Variants in CCDC7 observed in about 807,000 individuals in gnomAD.
CCDC7 encodes the protein coiled-coil domain containing 7.
CCDC7 carries 183 observed loss-of-function variants against 196.9 expected under a neutral mutation model. The ratio of observed to expected loss-of-function variants is 0.93; its 90% confidence interval spans 0.82 to 1.05. The LOEUF is 1.05. Among genes scored for constraint, CCDC7 ranks in the 50% least tolerant of loss-of-function variants. The pLI, the probability that CCDC7 is intolerant of heterozygous loss-of-function variation, is 0.00. For synonymous variants in CCDC7, 525 were observed against 484.6 expected (o/e 1.08, Z -1.10); for missense variants, 1,540 against 1,482.2 (o/e 1.04, Z -0.64).
At chr10:32,571,798 G>T (rs949139532) in intron 15 of CCDC7, 61 bp from the exon 17 acceptor site, 1 of 1,377,214 alleles carries the variant, frequency 7.3e-7, no homozygotes, top group Non-Finnish European at 9.6e-7. Flanking sequence ...TTTTCTAAAT[G>T]ACTGTAAACA....
intron 23 of CCDC7, among the ~76,000 whole-genome samples, chr10:32,691,408 T>A (rs1265536044): frequency 6.6e-6 from 1 of 152,074 alleles, no homozygotes; most frequent in East Asian, 1.9e-4. Flanking sequence ...CTTAACTAGA[T>A]CACCCAGGAA....
chr10:32,880,494 G>A (rs2094752373), downstream of CCDC7, among the ~76,000 whole-genome samples: 1 of 152,130 alleles, frequency 6.6e-6, no homozygotes, highest in African/African-American at 2.4e-5. Context: ...TCTGTAGGTT[G>A]TCCGTTCACT....
chr10:32,510,846 A>G (rs2045995869), intron 9 of CCDC7, among the ~76,000 whole-genome samples: 1 of 152,146 alleles, frequency 6.6e-6, no homozygotes, highest in Non-Finnish European at 1.5e-5. Context: ...TGAAAACATG[A>G]TAAAGTATCT....
chr10:32,691,257 G>A (rs1445749188), intron 23 of CCDC7, among the ~76,000 whole-genome samples: 4 of 152,090 alleles, frequency 2.6e-5, no homozygotes, highest in African/African-American at 7.2e-5. Context: ...TGGGGTCATC[G>A]CATTCTGGAT....
chr10:32,564,727 C>T (rs1336172018), intron 13 of CCDC7, among the ~76,000 whole-genome samples: 1 of 151,914 alleles, frequency 6.6e-6, no homozygotes, highest in Non-Finnish European at 1.5e-5. Flanking sequence ...GGGTGCAGCA[C>T]ACCAGCATGG....
intron 5 of CCDC7, among the ~76,000 whole-genome samples, chr10:32,464,861 C>T (rs760971198): frequency 1.3e-5 from 2 of 152,132 alleles, no homozygotes; most frequent in African/African-American, 2.4e-5. Context: ...TATTCAGTTT[C>T]TCTCATTCAA....
intron 29 of CCDC7, among the ~76,000 whole-genome samples, chr10:32,789,630 C>G (rs928397423): frequency 3.3e-5 from 5 of 151,478 alleles, no homozygotes; most frequent in Admixed American, 2.0e-4. Context: ...CAAAAGCATG[C>G]ATTGGAAACT....
chr10:32,702,144 C>T (rs1254664988), intron 24 of CCDC7, among the ~76,000 whole-genome samples: 1 of 152,062 alleles, frequency 6.6e-6, no homozygotes, highest in Non-Finnish European at 1.5e-5. Flanking sequence ...CCTGCTTTCT[C>T]TTGTGGGCAT....
intron 33 of CCDC7, among the ~76,000 whole-genome samples, chr10:32,840,619 T>C (rs1179206818): frequency 2.0e-5 from 3 of 151,920 alleles, no homozygotes; most frequent in Admixed American, 2.0e-4. Context: ...TTCCAAAAGA[T>C]ACAGAAAGAG....
intron 18 of CCDC7, among the ~76,000 whole-genome samples, chr10:32,625,084 C>T (rs2063852223): frequency 6.7e-6 from 1 of 148,380 alleles, no homozygotes; most frequent in Non-Finnish European, 1.5e-5. Flanking sequence ...GTGTCCTACC[C>T]AGAAAATCAA....
At chr10:32,816,123 G>A (rs1414663765) in intron 31 of CCDC7, among the ~76,000 whole-genome samples, 3 of 152,174 alleles carry the variant, frequency 2.0e-5, no homozygotes, top group Non-Finnish European at 4.4e-5. Context: ...CTGGAAAACC[G>A]GGTCACTCCC....
At chr10:32,645,512 T>A (rs1250350689) in intron 20 of CCDC7, among the ~76,000 whole-genome samples, 2 of 148,766 alleles carry the variant, frequency 1.3e-5, no homozygotes, top group Non-Finnish European at 3.0e-5. Context: ...TCTTTTTTTT[T>A]TTTTTTTTTT....
chr10:32,619,271 G>C (rs1759662), intron 18 of CCDC7, among the ~76,000 whole-genome samples: 1 of 152,024 alleles, frequency 6.6e-6, no homozygotes, highest in Non-Finnish European at 1.5e-5. Flanking sequence ...TTGTACATCT[G>C]TAAAACGAAA....
At chr10:32,796,515 T>C (rs1271077171) in intron 29 of CCDC7, among the ~76,000 whole-genome samples, 1 of 152,184 alleles carries the variant, frequency 6.6e-6, no homozygotes, top group East Asian at 1.9e-4. Flanking sequence ...TTTTGGTAAA[T>C]TCTATCTTAG....
At chr10:32,773,192 T>C (rs1218126562) in intron 28 of CCDC7, among the ~76,000 whole-genome samples, 1 of 152,224 alleles carries the variant, frequency 6.6e-6, no homozygotes. Context: ...GAGCTTCCTA[T>C]ACCTGGATGC....
intron 28 of CCDC7, among the ~76,000 whole-genome samples, chr10:32,765,780 T>C (rs1233518689): frequency 6.6e-6 from 1 of 152,090 alleles, no homozygotes; most frequent in Non-Finnish European, 1.5e-5. Context: ...GTGATTCTAA[T>C]TGTAGATACT....
chr10:32,803,379 C>A (rs1206766506), intron 29 of CCDC7, among the ~76,000 whole-genome samples: 2 of 152,168 alleles, frequency 1.3e-5, no homozygotes, highest in Non-Finnish European at 2.9e-5. Context: ...GACTCTTTCT[C>A]TCCTTAGCTC....
chr10:32,663,802 T>C (rs1337677371), intron 20 of CCDC7, among the ~76,000 whole-genome samples: 1 of 151,880 alleles, frequency 6.6e-6, no homozygotes, highest in East Asian at 1.9e-4. Flanking sequence ...AAATTATAAA[T>C]AATTAAGAAC....
chr10:32,452,986 C>A (rs930375683), intron 1 of CCDC7, among the ~76,000 whole-genome samples: 2 of 152,160 alleles, frequency 1.3e-5, no homozygotes, highest in African/African-American at 4.8e-5. Flanking sequence ...CTCCATCTTT[C>A]TATTTCCCCT....
Sources: gnomAD v4.1 joint callset for allele counts (sites outside exome capture counted in the v4.1 genomes callset) on GRCh38, gnomAD v4.1.1 for gene constraint, MANE v1.5 for transcripts, NCBI Gene and HGNC (gene_info 2026-07-23, HGNC 2026-07-21) for gene names.